The following GUCY1A2 variants were observed in gnomAD, a reference collection of about 807,000 sequenced individuals.
GUCY1A2 encodes the protein guanylate cyclase soluble subunit alpha-2.
GUCY1A2 carries 27 observed loss-of-function variants against 63.5 expected under a neutral mutation model. That is an observed-to-expected ratio of 0.43 (90% CI 0.31 to 0.59). The LOEUF is 0.59. GUCY1A2 is among the 20% of genes least tolerant of loss of function. The pLI, the probability that GUCY1A2 is intolerant of heterozygous loss-of-function variation, is 0.11. For synonymous variants in GUCY1A2, 364 were observed against 343.5 expected, an observed-to-expected ratio of 1.06 and a Z score of -0.66; for missense variants, 768 against 913.3, an observed-to-expected ratio of 0.84 and a Z score of 2.05.
At chr11:106,855,599 A>AT (rs1859418513) in intron 4 of GUCY1A2, among the ~76,000 whole-genome samples, 1 of 152,004 alleles carries the variant, frequency 6.6e-6, no homozygotes, top group Non-Finnish European at 1.5e-5. Context: ...GCCCAAACTT[A>AT]TTTTTTCACA....
At chr11:106,900,099 A>AAAAG (rs1860109816) in intron 4 of GUCY1A2, among the ~76,000 whole-genome samples, 1 of 152,108 alleles carries the variant, frequency 6.6e-6, no homozygotes, top group Admixed American at 6.6e-5. Flanking sequence ...AAAAAAAAAA[A>AAAAG]AAAACAATCT....
At chr11:106,975,348 G>A (rs1052130695) in intron 3 of GUCY1A2, among the ~76,000 whole-genome samples, 1 of 152,108 alleles carries the variant, frequency 6.6e-6, no homozygotes, top group South Asian at 2.1e-4. Flanking sequence ...GCCTCATAGA[G>A]CATAAACACA....
intron 4 of GUCY1A2, among the ~76,000 whole-genome samples, chr11:106,812,076 G>C (rs886422401): frequency 1.3e-5 from 2 of 151,968 alleles, no homozygotes; most frequent in African/African-American, 4.8e-5. Flanking sequence ...TTTAGGGTAG[G>C]AGTGTTGCTA....
chr11:106,789,289 A>AGTAT (rs1407741360), intron 5 of GUCY1A2, among the ~76,000 whole-genome samples: 1 of 152,208 alleles, frequency 6.6e-6, no homozygotes. Flanking sequence ...TGCATTCTTC[A>AGTAT]GTATGTCAAT....
chr11:106,797,323 C>T (rs574147408), intron 5 of GUCY1A2, among the ~76,000 whole-genome samples: 34 of 152,174 alleles, frequency 2.2e-4, no homozygotes, highest in Non-Finnish European at 3.4e-4. Context: ...AGAGGAGCTG[C>T]GTTCCTTTGG....
chr11:106,687,525 G>A lies in GUCY1A2; in HGVS notation c.*24C>T. On this transcript the variant is annotated 3_prime_UTR_variant, in exon 8 of 8. Transcript: ENST00000526355. ...ATGTTCTGGGCTTGTGCTTTTTGGA[G>A]GAGTCTTTGATCTGTAGCAGGTCTC... is the stretch of plus-strand genomic sequence containing the variant. 6.4e-7 allele frequency: 1 copy of A among 1,562,752 alleles called. No homozygotes were observed. Among genetic ancestry groups the A allele is most frequent in the South Asian group, 1.1e-5 (1 of 89,998 alleles).
intron 2 of GUCY1A2, 54 bp from the exon 3 acceptor site, chr11:106,978,794 T>A: frequency 7.3e-7 from 1 of 1,376,424 alleles, no homozygotes; most frequent in Non-Finnish European, 1.0e-6. Context: ...CATCTGCGAA[T>A]GCAACTCATA....
At chr11:106,720,233 C>G (rs908935597) in intron 6 of GUCY1A2, among the ~76,000 whole-genome samples, 6 of 152,178 alleles carry the variant, frequency 3.9e-5, no homozygotes, top group African/African-American at 1.4e-4. Flanking sequence ...GGTGGCAACC[C>G]AGGCTCATTT....
At chr11:106,769,867 T>C (rs1447333921) in intron 6 of GUCY1A2, among the ~76,000 whole-genome samples, 1 of 152,046 alleles carries the variant, frequency 6.6e-6, no homozygotes, top group African/African-American at 2.4e-5. Context: ...CTTATATGTT[T>C]TTAATCTCAA....
chr11:106,797,073 C>G (rs977354666), intron 5 of GUCY1A2, among the ~76,000 whole-genome samples: 1 of 152,150 alleles, frequency 6.6e-6, no homozygotes, highest in Non-Finnish European at 1.5e-5. Context: ...AAATTGGCTA[C>G]TGAAGCTTAT....
At chr11:106,843,983 C>A (rs1441475367) in intron 4 of GUCY1A2, among the ~76,000 whole-genome samples, 2 of 151,816 alleles carry the variant, frequency 1.3e-5, no homozygotes, top group African/African-American at 4.8e-5. Context: ...CTTGTCATAT[C>A]ATTGGAGGGC....
At chr11:106,831,055 A>G (rs961686846) in intron 4 of GUCY1A2, among the ~76,000 whole-genome samples, 8 of 152,198 alleles carry the variant, frequency 5.3e-5, no homozygotes, top group African/African-American at 1.7e-4. Flanking sequence ...TTATATAGCT[A>G]TAAGCATGGA....
At chr11:106,823,736 T>C (rs1858931991) in intron 4 of GUCY1A2, among the ~76,000 whole-genome samples, 1 of 152,256 alleles carries the variant, frequency 6.6e-6, no homozygotes, top group Admixed American at 6.5e-5. Context: ...TCTATTGTTT[T>C]TCGACTTTTT....
intron 6 of GUCY1A2, among the ~76,000 whole-genome samples, chr11:106,772,128 T>C (rs981526993): frequency 6.6e-6 from 1 of 152,144 alleles, no homozygotes; most frequent in Admixed American, 6.6e-5. Context: ...TTACAATTAG[T>C]GAGTCAAGGG....
chr11:106,946,323 G>A lies in GUCY1A2; in HGVS notation c.488-6145C>T, dbSNP rs190018193. 6.6e-5 allele frequency among the ~76,000 whole-genome samples: 10 copies of A among 152,218 alleles called. No individual in the cohort carries two copies. In the East Asian group the frequency reaches 7.7e-4, roughly 12 times the overall value. On this transcript the variant is annotated intron_variant, in intron 3 of 7. Coordinates refer to ENST00000526355, the MANE Select transcript of GUCY1A2 (RefSeq NM_000855.3). Reference sequence around the variant, plus strand: ...CTCCAAATACAAGGTCAAATATTATGTATATGTCAACATGATCAAAACAGC... The same window carrying A: ...CTCCAAATACAAGGTCAAATATTATATATATGTCAACATGATCAAAACAGC...
intron 6 of GUCY1A2, among the ~76,000 whole-genome samples, chr11:106,708,959 C>T (rs1532041): frequency 0.03 from 4,460 of 150,956 alleles, 103 homozygotes; most frequent in South Asian, 0.068. Flanking sequence ...CAGATTTCAT[C>T]TGTATGTAAT....
chr11:106,946,905 T>G (rs1280180770), intron 3 of GUCY1A2, among the ~76,000 whole-genome samples: 1 of 152,048 alleles, frequency 6.6e-6, no homozygotes, highest in East Asian at 1.9e-4. Context: ...GTTTCAAAAT[T>G]ATATATTTTC....
intron 3 of GUCY1A2, among the ~76,000 whole-genome samples, chr11:106,951,918 G>T (rs1338659878): frequency 2.6e-5 from 4 of 152,164 alleles, no homozygotes; most frequent in Non-Finnish European, 5.9e-5. Flanking sequence ...TTTGTATAAG[G>T]TGTAAGAAAG....
At chr11:106,700,211 C>G (rs1862795634) in intron 7 of GUCY1A2, among the ~76,000 whole-genome samples, 1 of 152,044 alleles carries the variant, frequency 6.6e-6, no homozygotes, top group Non-Finnish European at 1.5e-5. Flanking sequence ...ACTATTTTTA[C>G]TGTAAAAATA....
Sources: allele counts gnomAD v4.1 joint callset (sites outside exome capture counted in the v4.1 genomes callset), GRCh38; gene constraint gnomAD v4.1.1; transcripts MANE v1.5; gene names NCBI Gene and HGNC (gene_info 2026-07-23, HGNC 2026-07-21).